The following THEMIS variants were observed in gnomAD, a reference collection of about 807,000 sequenced individuals.
THEMIS encodes thymocyte selection associated, also known as protein THEMIS.
THEMIS carries 37 observed loss-of-function variants against 52.6 expected under a neutral mutation model. The ratio of observed to expected loss-of-function variants is 0.70; its 90% CI spans 0.54 to 0.93. The LOEUF is 0.93. THEMIS is among the 40% of genes least tolerant of loss of function. The pLI is 0.00. For synonymous variants in THEMIS, 292 were observed against 272.7 expected, an observed-to-expected ratio of 1.07 and a Z score of -0.70; for missense variants, 808 against 763.1, an observed-to-expected ratio of 1.06 and a Z score of -0.69.
chr6:127,774,457 G>A (rs1466028895), intron 4 of THEMIS, among the ~76,000 whole-genome samples: 1 of 152,064 alleles, frequency 6.6e-6, no homozygotes, highest in Non-Finnish European at 1.5e-5. Flanking sequence ...CACATGTCTC[G>A]GCCTCCCAAA....
chr6:127,895,086 C>T (rs1421646179), intron 1 of THEMIS, among the ~76,000 whole-genome samples: 1 of 150,744 alleles, frequency 6.6e-6, no homozygotes, highest in Non-Finnish European at 1.5e-5. Flanking sequence ...CATAAACACA[C>T]TAAAGAAAGT....
Position 127,894,527 on chromosome 6 carries a change from T to C in THEMIS, c.91+6315A>G. ...GTTAAAAATACTTAGAAAAAAATAATAGTTTAAAACACATTTATCAAGAAG... is the reference window on the plus strand; with the variant it reads ...GTTAAAAATACTTAGAAAAAAATAACAGTTTAAAACACATTTATCAAGAAG... On this transcript the variant is annotated intron_variant, in intron 1 of 5. Transcript: ENST00000368248. Among the ~76,000 whole-genome samples the C allele has an allele frequency of 1.3e-5, 2 of 151,872 alleles. 1 individual carries two copies.
chr6:127,844,147 T>C (rs77843416), intron 2 of THEMIS, among the ~76,000 whole-genome samples: 2,778 of 152,128 alleles, frequency 0.018, 103 homozygotes, highest in African/African-American at 0.063. Context: ...TATATTTTTA[T>C]TGGACAGTGC....
At chr6:127,719,080 G>A (rs960886384) in intron 5 of THEMIS, among the ~76,000 whole-genome samples, 1 of 151,824 alleles carries the variant, frequency 6.6e-6, no homozygotes, top group African/African-American at 2.4e-5. Flanking sequence ...GAAATTGAGG[G>A]GGTTTGGTGT....
chr6:127,753,186 G>A (rs1465109016), intron 4 of THEMIS, among the ~76,000 whole-genome samples: 1 of 151,888 alleles, frequency 6.6e-6, no homozygotes, highest in Non-Finnish European at 1.5e-5. Flanking sequence ...GATCACATAT[G>A]ACAAGCCCAC....
At chr6:127,806,930 C>T (rs1488069310) in intron 4 of THEMIS, among the ~76,000 whole-genome samples, 1 of 152,228 alleles carries the variant, frequency 6.6e-6, no homozygotes, top group Non-Finnish European at 1.5e-5. Context: ...GCCCTCTTCT[C>T]CCGTCTTTTT....
At chr6:127,747,029 GAT>G (rs1491375786) in intron 4 of THEMIS, among the ~76,000 whole-genome samples, 3 of 19,480 alleles carry the variant, frequency 1.5e-4, no homozygotes, top group Non-Finnish European at 2.6e-4. Context: ...ATTATATATA[GAT>G]ATAATTATAG....
rs1278699405 is a variant in THEMIS at position 127,731,585 on chromosome 6, G to GA, written c.1759-11763dup. Among the ~76,000 whole-genome samples, 339 of 109,342 alleles carry GA rather than the reference G, an allele frequency of 3.1e-3. 1 individual carries two copies. Among genetic ancestry groups the GA allele is most frequent in the Middle Eastern group, 0.017 (3 of 180 alleles). The allele number at this position is 109,342 out of a possible 152,430, so 71.7% of individuals were successfully genotyped here. A position where few individuals can be genotyped will look rare whatever the true frequency, so the allele number is the denominator to read the frequency against. ...TAAGCATTTGTCAAGGGCATTTTCA[G>GA]AAAAAAAAAAAAAGGTTCTAATTTG... On this transcript the variant is annotated intron_variant, in intron 4 of 5. Coordinates refer to ENST00000368248, the MANE Select transcript of THEMIS (RefSeq NM_001010923.3).
At chr6:127,718,883 G>C (rs1242742644) in intron 5 of THEMIS, among the ~76,000 whole-genome samples, 1 of 151,522 alleles carries the variant, frequency 6.6e-6, no homozygotes, top group Non-Finnish European at 1.5e-5. Flanking sequence ...GTGCAGACAG[G>C]GTTTGGAGCA....
At chr6:127,753,853 G>A (rs1280593975) in intron 4 of THEMIS, among the ~76,000 whole-genome samples, 1 of 151,736 alleles carries the variant, frequency 6.6e-6, no homozygotes, top group African/African-American at 2.4e-5. Context: ...TAACAACACT[G>A]TATTCTTATA....
At chr6:127,826,984 A>G (rs1170953952) in intron 3 of THEMIS, among the ~76,000 whole-genome samples, 1 of 152,104 alleles carries the variant, frequency 6.6e-6, no homozygotes, top group Non-Finnish European at 1.5e-5. Flanking sequence ...ATTAAAAACT[A>G]GTAATAGGAG....
chr6:127,820,626 T>C (rs1206201045), intron 3 of THEMIS, among the ~76,000 whole-genome samples: 1 of 152,052 alleles, frequency 6.6e-6, no homozygotes, highest in Non-Finnish European at 1.5e-5. Context: ...GATAACTCAA[T>C]GGGAGAAGAG....
chr6:127,703,111 G>A (rs1773747869), downstream of THEMIS, among the ~76,000 whole-genome samples: 1 of 139,046 alleles, frequency 7.2e-6, no homozygotes, highest in African/African-American at 2.7e-5. Flanking sequence ...GCAGTGGCGG[G>A]ATCTCGGCTC....
intron 1 of THEMIS, among the ~76,000 whole-genome samples, chr6:127,916,478 T>C (rs1781530341): frequency 6.6e-6 from 1 of 152,148 alleles, no homozygotes; most frequent in African/African-American, 2.4e-5. Context: ...CCAACCTCTG[T>C]TCACTGCAAT....
chr6:127,707,656 C>G (rs571814364), downstream of THEMIS, among the ~76,000 whole-genome samples: 21 of 152,038 alleles, frequency 1.4e-4, no homozygotes, highest in Non-Finnish European at 2.8e-4. Context: ...AGTAGTCCAG[C>G]CTACCGGGGT....
At chr6:127,848,328 T>C (rs1468450779) in intron 2 of THEMIS, among the ~76,000 whole-genome samples, 1 of 152,050 alleles carries the variant, frequency 6.6e-6, no homozygotes, top group Non-Finnish European at 1.5e-5. Flanking sequence ...CTACCATTGT[T>C]GGACATTTGG....
At chr6:127,810,519 CA>C (rs937397377) in intron 4 of THEMIS, among the ~76,000 whole-genome samples, 67 of 152,210 alleles carry the variant, frequency 4.4e-4, no homozygotes, top group African/African-American at 1.6e-3. Flanking sequence ...TGCTTTGTGA[CA>C]ACACAACATT....
chr6:127,859,342 C>A (rs1433434647), intron 1 of THEMIS, among the ~76,000 whole-genome samples: 2 of 152,134 alleles, frequency 1.3e-5, no homozygotes, highest in African/African-American at 4.8e-5. Flanking sequence ...TCTGATAGCA[C>A]TTCATGCGTA....
chr6:127,916,944 A>G (rs1400939586), intron 1 of THEMIS, among the ~76,000 whole-genome samples: 1 of 152,266 alleles, frequency 6.6e-6, no homozygotes, highest in African/African-American at 2.4e-5. Context: ...GTTAATGGAC[A>G]GTACACTTAG....
Sources: allele counts gnomAD v4.1 joint callset (sites outside exome capture counted in the v4.1 genomes callset), GRCh38; gene constraint gnomAD v4.1.1; transcripts MANE v1.5; gene names NCBI Gene and HGNC (gene_info 2026-07-23, HGNC 2026-07-21).